Variants in VPS13C observed in about 807,000 individuals in gnomAD.
VPS13C encodes vacuolar protein sorting 13 homolog C.
Under a neutral mutation model 456.8 loss-of-function variants are expected in VPS13C, and 358 were observed. The ratio of observed to expected loss-of-function variants is 0.78; its 90% CI spans 0.72 to 0.86. VPS13C has a LOEUF of 0.86. Among genes scored for constraint, VPS13C ranks in the 40% least tolerant of loss-of-function variants. VPS13C has a pLI of 0.00. For missense variants in VPS13C, 4,818 were observed against 4,385.4 expected (o/e 1.10, Z -2.79); for synonymous variants, 1,578 against 1,486.7 (o/e 1.06, Z -1.41).
chr15:61,904,516 T>C (rs941335948), intron 66 of VPS13C, among the ~76,000 whole-genome samples: 96 of 140,928 alleles, frequency 6.8e-4, no homozygotes, highest in Admixed American at 1.7e-3. Context: ...GGCATGGAAG[T>C]GGAGAAAGGG....
intron 67 of VPS13C, among the ~76,000 whole-genome samples, chr15:61,886,793 C>T (rs2140058979): frequency 6.6e-6 from 1 of 152,252 alleles, no homozygotes; most frequent in Middle Eastern, 3.4e-3. Context: ...AATGTCCTAA[C>T]TATAAAATGT....
chr15:62,009,512 T>C (rs1404976026), intron 13 of VPS13C, among the ~76,000 whole-genome samples: 1 of 152,250 alleles, frequency 6.6e-6, no homozygotes, highest in Non-Finnish European at 1.5e-5. Flanking sequence ...GTGAAATGTC[T>C]CATTATAACT....
intron 5 of VPS13C, among the ~76,000 whole-genome samples, chr15:62,030,169 G>A (rs186004767): frequency 3.2e-4 from 48 of 152,226 alleles, no homozygotes; most frequent in South Asian, 4.1e-4. Context: ...CATGTAGCAT[G>A]TGAAAAAGAA....
chr15:61,888,369 T>C (rs570751852), intron 67 of VPS13C, among the ~76,000 whole-genome samples: 11 of 152,278 alleles, frequency 7.2e-5, no homozygotes, highest in Admixed American at 6.5e-4. Flanking sequence ...AGAGGAAACA[T>C]ATGTCTACAC....
At chr15:61,876,076 GT>G (rs1895402265) in intron 75 of VPS13C, among the ~76,000 whole-genome samples, 1 of 151,994 alleles carries the variant, frequency 6.6e-6, no homozygotes, top group African/African-American at 2.4e-5. Flanking sequence ...AGGCTGCCAC[GT>G]AGCAGTTATG....
intron 1 of VPS13C, among the ~76,000 whole-genome samples, chr15:62,056,262 T>C (rs1414992241): frequency 2.6e-5 from 4 of 152,212 alleles, no homozygotes. Flanking sequence ...TAGAGATATA[T>C]GAATATCATT....
intron 48 of VPS13C, among the ~76,000 whole-genome samples, chr15:61,934,556 A>G (rs1368591781): frequency 6.6e-6 from 1 of 152,194 alleles, no homozygotes; most frequent in Non-Finnish European, 1.5e-5. Context: ...AGGCACAGGC[A>G]GACTATGTTA....
chr15:62,019,100 G>C (rs571530110), intron 9 of VPS13C, among the ~76,000 whole-genome samples: 1 of 152,042 alleles, frequency 6.6e-6, no homozygotes, highest in Non-Finnish European at 1.5e-5. Context: ...ATTCTCTGAT[G>C]GTAGTTTTGT....
At chr15:61,996,896 C>T (rs28610280) in intron 16 of VPS13C, among the ~76,000 whole-genome samples, 14,369 of 128,856 alleles carry the variant, frequency 0.11, 1,343 homozygotes, top group African/African-American at 0.28. Flanking sequence ...CACACACACA[C>T]ATATATATAT....
rs139866749 is a variant in VPS13C, at chr15:62,038,065, T to C, written c.188-3013A>G. The stretch of plus-strand genomic sequence containing the variant: ...GTGATATAGCGTAATAGCAGGGTGA[T>C]AAAGTTGGGAGAAAGGATGTAGCAT... On this transcript the variant is annotated intron_variant, in intron 3 of 84. Coordinates refer to ENST00000644861, the MANE Select transcript of VPS13C (RefSeq NM_020821.3). 4.5e-3 allele frequency among the ~76,000 whole-genome samples: 683 copies of C among 152,218 alleles called. 8 individuals carry two copies. The highest frequency in any genetic ancestry group is 0.015 in the African/African-American group (640 of 41,528).
In VPS13C at chr15:61,964,825, G is replaced by A; in HGVS notation, c.3088C>T (p.Gln1030Ter). Residue 1030 changes from glutamine (Q) to a stop codon, truncating the protein, a stop_gained, in exon 31 of 85, where the codon CAA (glutamine) becomes TAA (stop). Transcript: ENST00000644861. LOFTEE classifies it high-confidence loss of function. The part of the protein sequence containing the change: ...FSSLNLLLQT[Q>*]ALVASINYLT... Reference sequence around the variant, plus strand: ...TAATTAATAGAAGCGACAAGAGCTTGTGTTTGCAGCAACAGATTTAAAGAT... The same window carrying A: ...TAATTAATAGAAGCGACAAGAGCTTATGTTTGCAGCAACAGATTTAAAGAT... The A allele has an allele frequency of 6.2e-7, 1 of 1,606,966 alleles. No individual in the cohort carries two copies. The highest frequency in any genetic ancestry group is 8.5e-7 in the Non-Finnish European group (1 of 1,177,688).
Position 61,947,327 on chromosome 15 carries a change from C to A in VPS13C, c.4760-18G>T. The A allele has an allele frequency of 6.4e-7, 1 of 1,551,810 alleles. No individual in the cohort carries two copies. Among genetic ancestry groups the A allele is most frequent in the Non-Finnish European group, 8.9e-7 (1 of 1,129,606 alleles). On this transcript the variant is annotated intron_variant, in intron 42 of 84. Coordinates refer to ENST00000644861, the MANE Select transcript of VPS13C (RefSeq NM_020821.3). Reference sequence around the variant, plus strand: ...GCTGGATACTAAAAAATAATAGAAACCTTCTGATGAGCAAAGGGAAAAGAT... The same window carrying A: ...GCTGGATACTAAAAAATAATAGAAAACTTCTGATGAGCAAAGGGAAAAGAT...
In VPS13C at chr15:61,911,836, C is replaced by T. The variant is rs951223058; in HGVS notation, c.8715+4G>A. On this transcript the variant is annotated splice_donor_region_variant and intron_variant, in intron 63 of 84. Transcript: ENST00000644861. ...GAATCAGTTGTAACAAAGAAAAATGCTACCTCTGAAGAAGCAATATAGTTC... is the reference window on the plus strand; with the variant it reads ...GAATCAGTTGTAACAAAGAAAAATGTTACCTCTGAAGAAGCAATATAGTTC... 8 of 1,582,374 alleles carry T rather than the reference C, an allele frequency of 5.1e-6. No individual in the cohort carries two copies. Among genetic ancestry groups the T allele is most frequent in the South Asian group, 1.2e-5 (1 of 84,440 alleles).
chr15:62,025,218 T>G (rs1267080162), intron 6 of VPS13C, among the ~76,000 whole-genome samples: 2 of 152,110 alleles, frequency 1.3e-5, no homozygotes, highest in South Asian at 2.1e-4. Flanking sequence ...AGCTTGAAAT[T>G]TTTAATTGGT....
chr15:62,056,859 G>A (rs1489109965), intron 1 of VPS13C, among the ~76,000 whole-genome samples: 3 of 152,098 alleles, frequency 2.0e-5, no homozygotes, highest in Non-Finnish European at 4.4e-5. Context: ...TCTCTGCCTC[G>A]GCTGCCAGGC....
At chr15:62,019,079 G>A (rs146781456) in intron 9 of VPS13C, among the ~76,000 whole-genome samples, 1 of 152,052 alleles carries the variant, frequency 6.6e-6, no homozygotes, top group African/African-American at 2.4e-5. Context: ...TTGCGTAGAG[G>A]TGTTTATAGT....
At chr15:61,856,449 G>A in intron 82 of VPS13C, 40 bp from the exon 83 acceptor site, 1 of 1,607,800 alleles carries the variant, frequency 6.2e-7, no homozygotes, top group Non-Finnish European at 8.5e-7. Context: ...AGTAAATGAT[G>A]AAGACAGTTT....
intron 45 of VPS13C, among the ~76,000 whole-genome samples, chr15:61,944,224 T>C (rs1329771568): frequency 6.6e-6 from 1 of 152,222 alleles, no homozygotes; most frequent in Non-Finnish European, 1.5e-5. Flanking sequence ...GAAAGCAATT[T>C]AGAGATTTCT....
intron 66 of VPS13C, among the ~76,000 whole-genome samples, chr15:61,893,465 C>G (rs1472537217): frequency 6.6e-6 from 1 of 151,700 alleles, no homozygotes. Flanking sequence ...CCTCTAGACA[C>G]ATCTTACAAA....
Sources: allele counts gnomAD v4.1 joint callset (sites outside exome capture counted in the v4.1 genomes callset), GRCh38; gene constraint gnomAD v4.1.1; transcripts MANE v1.5; gene names NCBI Gene and HGNC (gene_info 2026-07-23, HGNC 2026-07-21).